The following EXOC7 variants were observed in gnomAD, a reference collection of about 807,000 sequenced individuals.
EXOC7 encodes the protein exocyst complex component 7, also known as exocyst complex component Exo70.
EXOC7 carries 51 observed loss-of-function variants against 87.6 expected under a neutral mutation model. The observed-to-expected ratio is 0.58, with a 90% CI of 0.46 to 0.73. The LOEUF (loss-of-function observed/expected upper bound fraction) is 0.73. EXOC7 is among the 30% of genes least tolerant of loss of function. EXOC7 has a pLI of 0.00. For synonymous variants in EXOC7, 327 were observed against 357.1 expected, an observed-to-expected ratio of 0.92 and a Z score of 0.95; for missense variants, 744 against 888.4, an observed-to-expected ratio of 0.84 and a Z score of 2.07.
Position 76,085,704 on chromosome 17 carries a change from T to C in EXOC7, c.1589A>G (p.Tyr530Cys), listed in dbSNP as rs1420829671. The change falls in exon 14 of 19, where the codon TAC becomes TGC. Residue 530 changes from tyrosine (Y) to cysteine (C), a missense_variant. Physicochemically the swap from Tyr to Cys is radical, Grantham distance 194 (BLOSUM62 -2). Transcript: ENST00000589210. ...ALSAIFLHNN[Y>C]NYILKSLEKS... is the part of the protein sequence containing the mutation. ...CTCCAGGGACTTGAGGATGTAATTG[T>C]AGTTGTTGTGCAGGAAGATGGCGCT... 6.2e-7 allele frequency: 1 copy of C among 1,614,106 alleles called. No individual in the cohort carries two copies. Among genetic ancestry groups the C allele is most frequent in the Non-Finnish European group, 8.5e-7 (1 of 1,180,020 alleles).
intron 12 of EXOC7, chr17:76,086,856 C>T (rs1706924477): frequency 3.9e-6 from 6 of 1,551,076 alleles, no homozygotes; most frequent in African/African-American, 1.4e-5. Flanking sequence ...CTGCTTACCT[C>T]GGGGGTCTAA....
intron 11 of EXOC7, 57 bp downstream of exon 11, chr17:76,088,003 G>C (rs1375145249): frequency 1.3e-6 from 2 of 1,579,108 alleles, no homozygotes; most frequent in African/African-American, 1.3e-5. Context: ...CTGGCCCTGG[G>C]CCTGGGCCTG....
At chr17:76,094,105 T>G (rs1331910796) in intron 6 of EXOC7, 7 of 253,218 alleles carry the variant, frequency 2.8e-5, no homozygotes, top group Non-Finnish European at 4.5e-5. Flanking sequence ...CAGGGCGACG[T>G]GTGTGTGAGG....
In EXOC7 at chr17:76,081,359, C is replaced by T; in HGVS notation, c.*2289G>A. On this transcript the variant is annotated 3_prime_UTR_variant, in exon 19 of 19. Transcript: ENST00000589210. Reference sequence around the variant, plus strand: ...GAATACGTAGTTTATGATCTGAAGACCCAAGTCCCACCCCAGCAGCTGGTG... The same window carrying T: ...GAATACGTAGTTTATGATCTGAAGATCCAAGTCCCACCCCAGCAGCTGGTG... 2 of 1,614,138 alleles carry T rather than the reference C, an allele frequency of 1.2e-6. No homozygotes were observed. Among genetic ancestry groups the T allele is most frequent in the Non-Finnish European group, 1.7e-6 (2 of 1,180,028 alleles).
Position 76,103,738 on chromosome 17 carries a change from G to C in EXOC7, c.-46C>G, listed in dbSNP as rs2068201179. 3.2e-6 allele frequency: 5 copies of C among 1,545,798 alleles called. No individual in the cohort carries two copies. The highest frequency in any genetic ancestry group is 4.4e-6 in the Non-Finnish European group (5 of 1,144,132). On this transcript the variant is annotated 5_prime_UTR_variant, in exon 1 of 19. Coordinates refer to ENST00000589210, the MANE Select transcript of EXOC7 (RefSeq NM_001013839.4). ...CCACTCCCCAGTATCTTTCCTCCGC[G>C]GGCCCACCGGGCCCCCGTCCCCGTC...
At position 76,097,846 on chromosome 17, in the gene EXOC7, T is replaced by C; in HGVS notation, c.590A>G (p.Gln197Arg). ...CCAGCGGGAGATGCGAATGACATCC[T>C]GGAGCACGCTCTCGGGCAGGTGCTC... ...TLEHLPESVLQDVIRISRWLV... is the reference protein window; with the variant it reads ...TLEHLPESVLRDVIRISRWLV... The change falls in exon 5 of 19, where the codon CAG becomes CGG. Residue 197 changes from glutamine to arginine, a missense_variant. Transcript: ENST00000589210. 2 of 1,613,974 alleles carry C rather than the reference T, an allele frequency of 1.2e-6. No individual in the cohort carries two copies. The highest frequency in any genetic ancestry group is 1.7e-6 in the Non-Finnish European group (2 of 1,179,996).
chr17:76,090,421 A>G, intron 7 of EXOC7: 1 of 1,551,682 alleles, frequency 6.4e-7, no homozygotes, highest in Non-Finnish European at 8.7e-7. Context: ...GGCCGCACAA[A>G]CACAAGCAGC....
chr17:76,087,260 C>T (rs926502735), intron 12 of EXOC7: 1 of 372,786 alleles, frequency 2.7e-6, no homozygotes, highest in South Asian at 3.1e-5. Context: ...CAGGAAGACG[C>T]CCAGCGGGCC....
chr17:76,085,642 T>A (rs1014437607), intron 14 of EXOC7, 35 bp downstream of exon 14: 35 of 1,613,406 alleles, frequency 2.2e-5, no homozygotes, highest in Non-Finnish European at 2.8e-5. Flanking sequence ...GAGGGGAAGG[T>A]GAGAGCCGCA....
intron 13 of EXOC7, 68 bp from the exon 14 acceptor site, chr17:76,085,865 C>G: frequency 6.3e-7 from 1 of 1,575,016 alleles, no homozygotes; most frequent in South Asian, 1.2e-5. Context: ...CCCCAGGACC[C>G]GCGAACGCGC....
In EXOC7 at chr17:76,094,419, C is replaced by T. The variant is rs1169805450; in HGVS notation, c.803G>A (p.Arg268Gln). ...GGGCCAGGATGGGGGCTCACCTGGC[C>T]GCTTGACTGGCTTCTTGGTAGGTGT... is the stretch of plus-strand genomic sequence containing the variant. ...KDTPTKKPVKRPGTIRKAQNL... is the reference protein window; with the variant it reads ...KDTPTKKPVKQPGTIRKAQNL... The change falls in exon 6 of 19, where the codon CGG (arginine) becomes CAG (glutamine). Residue 268 changes from arginine to glutamine, a missense_variant. Coordinates refer to ENST00000589210, the MANE Select transcript of EXOC7 (RefSeq NM_001013839.4). The T allele has an allele frequency of 8.7e-6, 14 of 1,612,536 alleles. No individual in the cohort carries two copies. Among genetic ancestry groups the T allele is most frequent in the Non-Finnish European group, 1.1e-5 (13 of 1,179,192 alleles).
intron 5 of EXOC7, among the ~76,000 whole-genome samples, chr17:76,095,982 AAC>A (rs1207221184): frequency 6.6e-6 from 1 of 152,180 alleles, no homozygotes; most frequent in African/African-American, 2.4e-5. Flanking sequence ...AATGAACCAA[AAC>A]ACAGAGGCAC....
At chr17:76,086,993 C>T in intron 12 of EXOC7, 1 of 1,055,158 alleles carries the variant, frequency 9.5e-7, no homozygotes, top group Non-Finnish European at 1.4e-6. Context: ...GGCATGTCAA[C>T]CCGAATTAAG....
Position 76,089,097 on chromosome 17 carries a change from T to A in EXOC7, c.1047+78A>T. 9.5e-6 allele frequency: 15 copies of A among 1,586,226 alleles called. No homozygotes were observed. In the South Asian group the frequency reaches 1.5e-4, roughly 16 times the overall value. On this transcript the variant is annotated intron_variant, in intron 8 of 18. Transcript: ENST00000589210. ...CAGGGCACGAGGTGGTGGTGGTGGG[T>A]GGAGTTGAGGGCTGCAAGAGTCTGT...
chr17:76,088,156 G>A (rs559026840), intron 10 of EXOC7, 34 bp from the exon 11 acceptor site: 2 of 1,607,752 alleles, frequency 1.2e-6, no homozygotes, highest in East Asian at 2.2e-5. Context: ...CCCTGAAGCA[G>A]CCCCCAGCCC....
At position 76,090,502 on chromosome 17, in the gene EXOC7, C is replaced by T. The variant is rs756262891; in HGVS notation, c.901+641G>A. 9.4e-5 allele frequency: 145 copies of T among 1,549,374 alleles called. 2 individuals are homozygous for T. In the Admixed American group the frequency reaches 1.3e-3, roughly 14 times the overall value. ...AAGCCCTTCATCTCCAGGAGGGGGACGTCAGATGGGGATGGGGAAGGGGGC... is the reference window on the plus strand; with the variant it reads ...AAGCCCTTCATCTCCAGGAGGGGGATGTCAGATGGGGATGGGGAAGGGGGC... On this transcript the variant is annotated intron_variant, in intron 7 of 18. Transcript: ENST00000589210.
chr17:76,094,621 CCT>C, intron 5 of EXOC7, 40 bp from the exon 6 acceptor site: 1 of 1,577,762 alleles, frequency 6.3e-7, no homozygotes, highest in African/African-American at 1.3e-5. Context: ...GCTGCCAGGC[CCT>C]GTCTCTGCCT....
Position 76,082,287 on chromosome 17 carries a change from C to A in EXOC7, c.*1361G>T. On this transcript the variant is annotated 3_prime_UTR_variant, in exon 19 of 19. Transcript: ENST00000589210. ...CCCTGATAACCCATGCCTTGCACAG[C>A]CTAAGAGGGTGTTTCTTCAACTGAA... 1.3e-6 allele frequency: 1 copy of A among 788,940 alleles called. No homozygotes were observed. Among genetic ancestry groups the A allele is most frequent in the Non-Finnish European group, 2.0e-6 (1 of 510,146 alleles). The allele number at this position is 788,940 out of a possible 1,614,324, so 48.9% of individuals were successfully genotyped here. A position where few individuals can be genotyped will look rare whatever the true frequency, so the allele number is the denominator to read the frequency against.
chr17:76,097,924 A>G lies in EXOC7; in HGVS notation c.512T>C (p.Leu171Ser). The G allele has an allele frequency of 6.2e-7, 1 of 1,614,042 alleles. No individual in the cohort carries two copies. The highest frequency in any genetic ancestry group is 2.2e-5 in the East Asian group (1 of 44,866). ...HSKVVSPVLI[L>S]DLISGDDDLE... ...ATCATCGTCACCACTGATCAGATCC[A>G]AGATGAGCACGGGCGAGACGACCTT... Residue 171 changes from leucine to serine, a missense_variant, in exon 5 of 19, where the codon TTG becomes TCG. By Grantham distance (145) the Leu-to-Ser change is moderately radical. This residue lies in a region of EXOC7 where 512 missense variants were observed against 573.0 expected (regional missense o/e 0.89). Transcript: ENST00000589210.
Sources: gnomAD v4.1 joint callset for allele counts (sites outside exome capture counted in the v4.1 genomes callset) on GRCh38, gnomAD v4.1.1 for gene constraint, gnomAD v4.1.1 regional missense constraint, MANE v1.5 for transcripts, NCBI Gene and HGNC (gene_info 2026-07-23, HGNC 2026-07-21) for gene names.